ACSBG2: variants seen among roughly 807,000 people sequenced by gnomAD.
ACSBG2 encodes long-chain-fatty-acid--CoA ligase ACSBG2.
Under a neutral mutation model 74.7 loss-of-function variants are expected in ACSBG2, and 62 were observed. That is an observed-to-expected ratio of 0.83 (90% CI 0.68 to 1.03). The LOEUF (loss-of-function observed/expected upper bound fraction) is 1.03. Among genes scored for constraint, ACSBG2 ranks in the 50% least tolerant of loss-of-function variants. The pLI is 0.00. For synonymous variants in ACSBG2, 309 were observed against 294.1 expected (o/e 1.05, Z -0.52); for missense variants, 730 against 817.6 (o/e 0.89, Z 1.31).
intron 8 of ACSBG2, among the ~76,000 whole-genome samples, chr19:6,181,276 G>A (rs1327729152): frequency 7.0e-6 from 1 of 143,284 alleles, no homozygotes; most frequent in Admixed American, 7.0e-5. Flanking sequence ...AGAAGGGAGG[G>A]GAAGGGAGGG....
chr19:6,139,764 G>A (rs2088746633), intron 1 of ACSBG2, among the ~76,000 whole-genome samples: 1 of 152,154 alleles, frequency 6.6e-6, no homozygotes, highest in Non-Finnish European at 1.5e-5. Context: ...ATTTTTGATT[G>A]GAATAAATTT....
At chr19:6,169,259 C>T (rs1170428096) in intron 7 of ACSBG2, among the ~76,000 whole-genome samples, 1 of 152,138 alleles carries the variant, frequency 6.6e-6, no homozygotes, top group African/African-American at 2.4e-5. Context: ...AGCCCAATGT[C>T]CAGAAGAATT....
rs1292162674 is a variant in ACSBG2 at position 6,187,853 on chromosome 19, G to A, written c.1927+8G>A. 1 of 1,613,090 alleles carries A rather than the reference G, an allele frequency of 6.2e-7. No individual in the cohort carries two copies. The highest frequency in any genetic ancestry group is 8.5e-7 in the Non-Finnish European group (1 of 1,179,438). ...TCTATGGTGGAGAGCTAGGTGAGTG[G>A]CCATGACATTTGGAGGCTGGTCCCT... On this transcript the variant is annotated splice_region_variant and intron_variant, in intron 13 of 14. Transcript: ENST00000588485.
chr19:6,147,380 G>A (rs1287249729), intron 2 of ACSBG2, 66 bp from the exon 3 acceptor site: 12 of 1,381,430 alleles, frequency 8.7e-6, no homozygotes, highest in African/African-American at 5.7e-5. Flanking sequence ...GACACCAACC[G>A]CCCCCCGTCC....
chr19:6,137,630 TTATG>T (rs1295151265), intron 1 of ACSBG2, among the ~76,000 whole-genome samples: 1 of 151,752 alleles, frequency 6.6e-6, no homozygotes, highest in African/African-American at 2.4e-5. Flanking sequence ...ATTTATTTAT[TTATG>T]TATTTATGTA....
chr19:6,187,815 A>G lies in ACSBG2; in HGVS notation c.1897A>G (p.Lys633Glu). 1 of 1,614,170 alleles carries G rather than the reference A, an allele frequency of 6.2e-7. No individual in the cohort carries two copies. Among genetic ancestry groups the G allele is most frequent in the Non-Finnish European group, 8.5e-7 (1 of 1,180,028 alleles). The change falls in exon 13 of 15, where the codon AAG becomes GAG. Residue 633 changes from lysine to glutamate, a missense_variant. Lys to Glu is a moderately conservative substitution (Grantham distance 56, BLOSUM62 1). Transcript: ENST00000588485. ...QRIEKWVILE[K>E]DFSIYGGELG... ...GATTGAAAAGTGGGTCATCTTGGAG[A>G]AGGACTTTTCCATCTATGGTGGAGA...
intron 8 of ACSBG2, among the ~76,000 whole-genome samples, chr19:6,179,797 G>A (rs995588036): frequency 2.6e-5 from 4 of 152,012 alleles, no homozygotes; most frequent in Admixed American, 1.3e-4. Context: ...ATTTTTAGTA[G>A]AGACGGGATT....
chr19:6,182,617 T>C (rs905432092), intron 8 of ACSBG2, 134 bp from the exon 9 acceptor site: 1 of 818,172 alleles, frequency 1.2e-6, no homozygotes, highest in South Asian at 2.0e-5. Flanking sequence ...GTTGTCTCCT[T>C]TTGGTTGGGA....
intron 2 of ACSBG2, among the ~76,000 whole-genome samples, chr19:6,144,652 A>T (rs1379992613): frequency 6.6e-6 from 1 of 151,922 alleles, no homozygotes; most frequent in Non-Finnish European, 1.5e-5. Flanking sequence ...GCTAATTAAT[A>T]TATCAGTCAT....
intron 6 of ACSBG2, among the ~76,000 whole-genome samples, chr19:6,163,598 G>A (rs1462629785): frequency 1.3e-5 from 2 of 151,334 alleles, no homozygotes; most frequent in African/African-American, 2.4e-5. Context: ...AAAATTAGCC[G>A]GGCGTGGTGG....
chr19:6,153,719 G>A (rs150217820), intron 4 of ACSBG2, among the ~76,000 whole-genome samples: 109 of 152,096 alleles, frequency 7.2e-4, no homozygotes, highest in African/African-American at 2.6e-3. Flanking sequence ...ATGGTGGTGT[G>A]TGCCTGTAGT....
intron 4 of ACSBG2, among the ~76,000 whole-genome samples, chr19:6,154,402 A>AAGAGAG (rs547084046): frequency 0.014 from 1,200 of 83,204 alleles, 9 homozygotes; most frequent in African/African-American, 0.029. Flanking sequence ...CCGTCTCAAA[A>AAGAGAG]AGAGAGAGAG....
Position 6,188,689 on chromosome 19 carries a change from A to C in ACSBG2, c.1927+844A>C, listed in dbSNP as rs551674123. On this transcript the variant is annotated intron_variant, in intron 13 of 14. Coordinates refer to ENST00000588485, the MANE Select transcript of ACSBG2 (RefSeq NM_030924.5). Reference sequence around the variant, plus strand: ...AATTAAATTCCCTTGCAGGGAAGCCAACCGAGATGGAAGGAACCCTCAAAT... The same window carrying C: ...AATTAAATTCCCTTGCAGGGAAGCCCACCGAGATGGAAGGAACCCTCAAAT... 7.6e-4 allele frequency among the ~76,000 whole-genome samples: 116 copies of C among 152,314 alleles called. 1 individual carries two copies. Among genetic ancestry groups the C allele is most frequent in the African/African-American group, 2.7e-3 (112 of 41,572 alleles).
intron 14 of ACSBG2, chr19:6,191,911 C>T (rs896620155): frequency 2.0e-5 from 3 of 151,936 alleles, no homozygotes; most frequent in Admixed American, 6.6e-5. Flanking sequence ...ATTTCACTTT[C>T]CAGTTGAATG....
At chr19:6,156,576 G>A (rs369979411) in intron 5 of ACSBG2, 25 bp downstream of exon 5, 2 of 1,510,576 alleles carry the variant, frequency 1.3e-6, no homozygotes, top group Non-Finnish European at 1.8e-6. Flanking sequence ...AGCACTGCCT[G>A]CCAAAGTCAC....
At chr19:6,155,115 C>T (rs2089374777) in intron 4 of ACSBG2, among the ~76,000 whole-genome samples, 1 of 152,102 alleles carries the variant, frequency 6.6e-6, no homozygotes, top group African/African-American at 2.4e-5. Flanking sequence ...CATTCCCTGC[C>T]ATATTAAAAG....
At chr19:6,163,522 C>A (rs2089695563) in intron 6 of ACSBG2, among the ~76,000 whole-genome samples, 1 of 149,992 alleles carries the variant, frequency 6.7e-6, no homozygotes, top group South Asian at 2.1e-4. Flanking sequence ...GGGTGGATAA[C>A]CTGAGGTCAG....
intron 7 of ACSBG2, among the ~76,000 whole-genome samples, chr19:6,168,826 TG>T (rs1226480388): frequency 6.6e-6 from 1 of 152,206 alleles, no homozygotes; most frequent in African/African-American, 2.4e-5. Context: ...TCATCCAGGC[TG>T]GAGTACAGTG....
chr19:6,138,423 G>A (rs2088664662), intron 1 of ACSBG2, among the ~76,000 whole-genome samples: 1 of 148,972 alleles, frequency 6.7e-6, no homozygotes, highest in South Asian at 2.1e-4. Context: ...TTTGAAGGCT[G>A]AGCTGATGGA....
Sources: allele counts gnomAD v4.1 joint callset (sites outside exome capture counted in the v4.1 genomes callset), GRCh38; gene constraint gnomAD v4.1.1; transcripts MANE v1.5; gene names NCBI Gene and HGNC (gene_info 2026-07-23, HGNC 2026-07-21).